The following IYD variants were observed in gnomAD, a reference collection of about 807,000 sequenced individuals.
IYD encodes the protein iodotyrosine deiodinase 1.
In IYD, 25 loss-of-function variants were observed where a neutral mutation model predicts 28.4. The observed-to-expected ratio is 0.88, with a 90% CI of 0.64 to 1.23. IYD has a LOEUF of 1.23. Ranked by LOEUF, IYD falls within the 50% of genes most tolerant of loss-of-function variation. The pLI, the probability that IYD is intolerant of heterozygous loss-of-function variation, is 0.00. For missense variants in IYD, 352 were observed against 357.9 expected (o/e 0.98, Z 0.13); for synonymous variants, 140 against 130.8 (o/e 1.07, Z -0.48).
Position 150,379,783 on chromosome 6 carries a change from G to A in IYD, c.179-9569G>A, listed in dbSNP as rs367657525. 7.2e-5 allele frequency among the ~76,000 whole-genome samples: 11 copies of A among 152,210 alleles called. 1 individual carries two copies. On this transcript the variant is annotated intron_variant, in intron 1 of 4. Transcript: ENST00000344419. ...TCTCAGGTCCCATTCAATTCCCAAA[G>A]GGAATTATTGACTATCCATTATCTG...
chr6:150,388,705 C>CTT (rs34498269), intron 1 of IYD, among the ~76,000 whole-genome samples: 1,840 of 92,710 alleles, frequency 0.02, 54 homozygotes, highest in Middle Eastern at 0.076. Flanking sequence ...CTTCCTTTCT[C>CTT]TTTTTTTTTT....
At chr6:150,374,807 G>A (rs1777386610) in intron 1 of IYD, among the ~76,000 whole-genome samples, 1 of 152,172 alleles carries the variant, frequency 6.6e-6, no homozygotes. Flanking sequence ...TCAGAGATGA[G>A]AATGCTCCTT....
chr6:150,396,635 G>A (rs1220646156), intron 4 of IYD: 1 of 463,830 alleles, frequency 2.2e-6, no homozygotes, highest in East Asian at 3.8e-5. Flanking sequence ...AGCACTTTGG[G>A]AGGCCAAGGC....
In IYD at chr6:150,404,817, C is replaced by G. The variant is rs1416810312; in HGVS notation, c.*6580C>G. On this transcript the variant is annotated 3_prime_UTR_variant, in exon 5 of 5. Coordinates refer to ENST00000344419, the MANE Select transcript of IYD (RefSeq NM_203395.3). ...ACAAACAAAAAAACCTCACTATAAC[C>G]CAAACAAATAAGGGATTATTTTTCC... is the stretch of plus-strand genomic sequence containing the variant. 6.6e-6 allele frequency: 1 copy of G among 152,106 alleles called. No homozygotes were observed. The highest frequency in any genetic ancestry group is 1.5e-5 in the Non-Finnish European group (1 of 68,014). 9.4% of individuals were successfully genotyped at this position (152,106 alleles called of 1,614,324 possible). A position where few individuals can be genotyped will look rare whatever the true frequency, so the allele number is the denominator to read the frequency against.
chr6:150,396,583 T>C, intron 4 of IYD: 1 of 641,068 alleles, frequency 1.6e-6, no homozygotes, highest in Admixed American at 2.5e-5. Context: ...CTCAAAAAAG[T>C]TTAAGACTTG....
intron 1 of IYD, 81 bp from the exon 2 acceptor site, chr6:150,389,271 C>A: frequency 2.0e-6 from 2 of 991,548 alleles, no homozygotes; most frequent in Non-Finnish European, 3.2e-6. Flanking sequence ...CACATTTAAG[C>A]ACTTTATCTT....
chr6:150,405,695 G>T lies in IYD; in HGVS notation c.*7458G>T, dbSNP rs1778622540. On this transcript the variant is annotated 3_prime_UTR_variant, in exon 5 of 5. Coordinates refer to ENST00000344419, the MANE Select transcript of IYD (RefSeq NM_203395.3). The stretch of plus-strand genomic sequence containing the variant: ...TCATGAGAATAACATGGGGGAAACT[G>T]CCCCCATTATTCAATTATCCCCCAT... The T allele has an allele frequency of 1.3e-5, 2 of 152,122 alleles. No individual in the cohort carries two copies. Among genetic ancestry groups the T allele is most frequent in the South Asian group, 2.1e-4 (1 of 4,814 alleles). 9.4% of individuals were successfully genotyped at this position (152,122 alleles called of 1,614,324 possible). A position where few individuals can be genotyped will look rare whatever the true frequency, so the allele number is the denominator to read the frequency against.
At chr6:150,389,764 G>A (rs1778041522) in intron 2 of IYD, 1 of 529,690 alleles carries the variant, frequency 1.9e-6, no homozygotes, top group African/African-American at 1.9e-5. Flanking sequence ...TGTGACAATA[G>A]TTCAAAACTT....
In IYD at chr6:150,375,131, C is replaced by T. The variant is rs146807234; in HGVS notation, c.178+5922C>T. ...AGATGTCACCTTAATAGTTCTGTTG[C>T]TCGATGCACACAGCAAGTCAATACA... is the stretch of plus-strand genomic sequence containing the variant. On this transcript the variant is annotated intron_variant, in intron 1 of 4. Coordinates refer to ENST00000344419, the MANE Select transcript of IYD (RefSeq NM_203395.3). 9.1e-3 allele frequency among the ~76,000 whole-genome samples: 1,387 copies of T among 152,284 alleles called. 11 individuals are homozygous for T. The highest frequency in any genetic ancestry group is 0.014 in the Admixed American group (217 of 15,306).
intron 1 of IYD, chr6:150,385,194 T>A (rs551010073): frequency 1.3e-5 from 2 of 152,280 alleles, no homozygotes; most frequent in South Asian, 4.1e-4. Flanking sequence ...CCTTCTCCAC[T>A]CCAAGGTCGT....
In IYD at chr6:150,398,434, A is replaced by G; in HGVS notation, c.*197A>G. 1 of 592,252 alleles carries G rather than the reference A, an allele frequency of 1.7e-6. No homozygotes were observed. Among genetic ancestry groups the G allele is most frequent in the Non-Finnish European group, 3.0e-6 (1 of 333,254 alleles). 36.7% of individuals were successfully genotyped at this position (592,252 alleles called of 1,614,324 possible). A position where few individuals can be genotyped will look rare whatever the true frequency, so the allele number is the denominator to read the frequency against. On this transcript the variant is annotated 3_prime_UTR_variant, in exon 5 of 5. Transcript: ENST00000344419. Reference sequence around the variant, plus strand: ...TCCAGTCCCATAAATCCTGTTTCTTATCCACTTTGGAAATGCATGAACACT... The same window carrying G: ...TCCAGTCCCATAAATCCTGTTTCTTGTCCACTTTGGAAATGCATGAACACT...
Position 150,369,851 on chromosome 6 carries a change from GC to G in IYD, c.178+643del, listed in dbSNP as rs1777153713. ...TAGCAAGTGCTGGGAGGCCTGTCAGGCAACAAGGAGCCAAAGGAGCAGAAGC... is the reference window on the plus strand; with the variant it reads ...TAGCAAGTGCTGGGAGGCCTGTCAGGAACAAGGAGCCAAAGGAGCAGAAGC... On this transcript the variant is annotated intron_variant, in intron 1 of 4. Transcript: ENST00000344419. 1.4e-5 allele frequency: 9 copies of G among 644,354 alleles called. No individual in the cohort carries two copies. In the South Asian group the frequency reaches 1.6e-4, roughly 11 times the overall value. The allele number at this position is 644,354 out of a possible 1,614,324, so 39.9% of individuals were successfully genotyped here. A position where few individuals can be genotyped will look rare whatever the true frequency, so the allele number is the denominator to read the frequency against.
Position 150,404,633 on chromosome 6 carries a change from A to T in IYD, c.*6396A>T, listed in dbSNP as rs1562328845. 6.6e-6 allele frequency: 1 copy of T among 152,220 alleles called. No individual in the cohort carries two copies. Among genetic ancestry groups the T allele is most frequent in the Non-Finnish European group, 1.5e-5 (1 of 68,030 alleles). The allele number at this position is 152,220 out of a possible 1,614,324, so 9.4% of individuals were successfully genotyped here. A position where few individuals can be genotyped will look rare whatever the true frequency, so the allele number is the denominator to read the frequency against. On this transcript the variant is annotated 3_prime_UTR_variant, in exon 5 of 5. Coordinates refer to ENST00000344419, the MANE Select transcript of IYD (RefSeq NM_203395.3). ...TAAACAAAGCCTATAACTAAGACTG[A>T]TGCTTTAAGGGAGTTTGGCTTATTC... is the stretch of plus-strand genomic sequence containing the variant.
intron 1 of IYD, among the ~76,000 whole-genome samples, chr6:150,378,333 C>T (rs1777525016): frequency 6.6e-6 from 1 of 150,994 alleles, no homozygotes; most frequent in Non-Finnish European, 1.5e-5. Flanking sequence ...TCCCCGCTCC[C>T]CCCACCCCAC....
intron 3 of IYD, among the ~76,000 whole-genome samples, 192 bp downstream of exon 3, chr6:150,392,696 T>G (rs568882527): frequency 3.3e-5 from 5 of 152,218 alleles, no homozygotes; most frequent in African/African-American, 1.2e-4. Flanking sequence ...AGGCTCTGAC[T>G]CAATTATTTG....
chr6:150,393,967 T>C (rs1404215876), intron 3 of IYD, 132 bp from the exon 4 acceptor site: 2 of 962,922 alleles, frequency 2.1e-6, no homozygotes, highest in African/African-American at 3.3e-5. Context: ...AAAACAAAAA[T>C]TCTGCAGCTT....
At chr6:150,385,503 A>G (rs1204619681) in intron 1 of IYD, among the ~76,000 whole-genome samples, 1 of 151,382 alleles carries the variant, frequency 6.6e-6, no homozygotes, top group Non-Finnish European at 1.5e-5. Flanking sequence ...AAAAAAAAAA[A>G]GATTGTTTTT....
At chr6:150,376,706 A>G (rs1777456804) in intron 1 of IYD, among the ~76,000 whole-genome samples, 1 of 151,790 alleles carries the variant, frequency 6.6e-6, no homozygotes, top group Admixed American at 6.6e-5. Context: ...GCTCACTGAA[A>G]CCTCAAACTC....
At position 150,394,253 on chromosome 6, in the gene IYD, C is replaced by G; in HGVS notation, c.685C>G (p.Gln229Glu). 1 of 1,614,066 alleles carries G rather than the reference C, an allele frequency of 6.2e-7. No individual in the cohort carries two copies. Among genetic ancestry groups the G allele is most frequent in the South Asian group, 1.1e-5 (1 of 91,078 alleles). Residue 229 changes from glutamine (Q) to glutamate (E), a missense_variant and splice_region_variant, in exon 4 of 5, where the codon CAG becomes GAG. Gln to Glu is a conservative substitution (Grantham distance 29). Transcript: ENST00000344419. ...TTGTGGCATCCTGCTAGCTGCCCTG[C>G]AGGTATGTTGAGACATCAAGGGTTA... is the stretch of plus-strand genomic sequence containing the variant. The part of the protein sequence containing the change: ...IACGILLAAL[Q>E]NAGLVTVTTT...
Sources: gnomAD v4.1 joint callset for allele counts (sites outside exome capture counted in the v4.1 genomes callset) on GRCh38, gnomAD v4.1.1 for gene constraint, MANE v1.5 for transcripts, NCBI Gene and HGNC (gene_info 2026-07-23, HGNC 2026-07-21) for gene names.